MYO5A: variants seen among roughly 807,000 people sequenced by gnomAD.
The protein encoded by MYO5A is unconventional myosin-Va.
A neutral mutation model predicts 249.7 loss-of-function variants in MYO5A; 98 were observed. The ratio of observed to expected loss-of-function variants is 0.39; its 90% CI spans 0.33 to 0.46. The LOEUF is 0.46. Ranked by LOEUF, MYO5A falls within the 20% of genes least tolerant of loss-of-function variation. MYO5A has a pLI of 0.98. For missense variants in MYO5A, 1,696 were observed against 2,308.8 expected (o/e 0.73, Z 5.44); for synonymous variants, 778 against 810.6 (o/e 0.96, Z 0.68).
intron 5 of MYO5A, among the ~76,000 whole-genome samples, chr15:52,410,812 G>A (rs2043215064): frequency 2.6e-5 from 4 of 152,044 alleles, no homozygotes; most frequent in Admixed American, 2.6e-4. Flanking sequence ...TCCTGACCTT[G>A]TGATCCACCC....
At chr15:52,317,363 G>GC (rs2038073119) in intron 39 of MYO5A, 141 bp from the exon 40 acceptor site, 1 of 778,850 alleles carries the variant, frequency 1.3e-6, no homozygotes, top group African/African-American at 1.7e-5. Flanking sequence ...AATCTCATCA[G>GC]CTGTGCTTAA....
At position 52,479,441 on chromosome 15, in the gene MYO5A, A is replaced by C. The variant is rs560115555; in HGVS notation, c.28-46156T>G. 8.5e-5 allele frequency among the ~76,000 whole-genome samples: 13 copies of C among 152,256 alleles called. No homozygotes were observed. In the South Asian group the frequency reaches 2.7e-3, roughly 32 times the overall value. On this transcript the variant is annotated intron_variant, in intron 1 of 41. Coordinates refer to ENST00000399233, the MANE Select transcript of MYO5A (RefSeq NM_001382347.1). ...TCTGAGAATTTTTTCAAATTGTTGC[A>C]AATCTCAAAAAATTTTCCAATATAT...
chr15:52,328,203 A>C (rs1196736099), intron 35 of MYO5A, among the ~76,000 whole-genome samples, 197 bp from the exon 36 acceptor site: 1 of 152,198 alleles, frequency 6.6e-6, no homozygotes, highest in Non-Finnish European at 1.5e-5. Context: ...GACAACTCCC[A>C]AACTGATATC....
At chr15:52,391,171 A>T (rs896684409) in intron 12 of MYO5A, among the ~76,000 whole-genome samples, 5 of 152,344 alleles carry the variant, frequency 3.3e-5, no homozygotes, top group Non-Finnish European at 7.3e-5. Flanking sequence ...CATGCTTTTC[A>T]TCATGAGTAT....
chr15:52,502,102 G>A (rs1310918716), intron 1 of MYO5A, among the ~76,000 whole-genome samples: 2 of 152,122 alleles, frequency 1.3e-5, no homozygotes, highest in African/African-American at 4.8e-5. Context: ...AGCCAGGCCA[G>A]TGAAACCTCG....
At chr15:52,513,899 A>G (rs2077446908) in intron 1 of MYO5A, among the ~76,000 whole-genome samples, 1 of 152,188 alleles carries the variant, frequency 6.6e-6, no homozygotes, top group Non-Finnish European at 1.5e-5. Context: ...GAGACTAAGG[A>G]AAGTCATCTA....
At chr15:52,450,305 A>C (rs973306833) in intron 1 of MYO5A, among the ~76,000 whole-genome samples, 3 of 152,142 alleles carry the variant, frequency 2.0e-5, no homozygotes, top group Admixed American at 1.3e-4. Flanking sequence ...TACTCAGAAC[A>C]GTGCTTAGTA....
intron 1 of MYO5A, among the ~76,000 whole-genome samples, chr15:52,486,626 T>C (rs137922590): frequency 1.0e-3 from 152 of 152,308 alleles, no homozygotes; most frequent in African/African-American, 3.6e-3. Context: ...AATATTGTTG[T>C]CACTAAGGTA....
intron 1 of MYO5A, among the ~76,000 whole-genome samples, chr15:52,519,043 G>C (rs117203542): frequency 6.6e-6 from 1 of 152,074 alleles, no homozygotes; most frequent in African/African-American, 2.4e-5. Context: ...TAAATAGTAG[G>C]GGGATAAAGC....
chr15:52,515,169 T>C (rs2077471090), intron 1 of MYO5A, among the ~76,000 whole-genome samples: 2 of 151,848 alleles, frequency 1.3e-5, no homozygotes, highest in South Asian at 2.1e-4. Flanking sequence ...TGCCAGCTAC[T>C]TGGGGGGCTA....
chr15:52,528,977 G>A, upstream of MYO5A: 1 of 353,622 alleles, frequency 2.8e-6, no homozygotes, highest in Non-Finnish European at 4.1e-6. Flanking sequence ...CTCAGGCGCT[G>A]GCCGCCCGCA....
intron 5 of MYO5A, among the ~76,000 whole-genome samples, chr15:52,413,810 A>T (rs565537582): frequency 6.6e-6 from 1 of 152,328 alleles, no homozygotes; most frequent in South Asian, 2.1e-4. Context: ...ATAGATGAAC[A>T]ATTTCAAATT....
chr15:52,516,866 C>A (rs1208260047), intron 1 of MYO5A, among the ~76,000 whole-genome samples: 1 of 152,128 alleles, frequency 6.6e-6, no homozygotes, highest in Admixed American at 6.5e-5. Context: ...AAAATTATAT[C>A]ATGTATAGTA....
upstream of MYO5A, chr15:52,528,901 G>C (rs1462456528): frequency 8.1e-6 from 10 of 1,242,144 alleles, no homozygotes; most frequent in African/African-American, 4.8e-5. Flanking sequence ...CGCAGCCGCC[G>C]GCAGGGAGCA....
In MYO5A at chr15:52,376,231, C is replaced by T. The variant is rs2041405880; in HGVS notation, c.2420+116G>A. 5.4e-6 allele frequency: 5 copies of T among 923,480 alleles called. No homozygotes were observed. The South Asian group carries it at 7.0e-5, about 13-fold the overall frequency. 57.2% of individuals were successfully genotyped at this position (923,480 alleles called of 1,614,324 possible). ...CTGTCCTATGAGTTAATTTGTTGTC[C>T]CTTGGAACTAAGAAAAGGTGAGGTG... On this transcript the variant is annotated intron_variant, in intron 19 of 41. Coordinates refer to ENST00000399233, the MANE Select transcript of MYO5A (RefSeq NM_001382347.1).
chr15:52,443,884 G>A (rs2075835899), intron 1 of MYO5A, among the ~76,000 whole-genome samples: 1 of 152,006 alleles, frequency 6.6e-6, no homozygotes, highest in South Asian at 2.1e-4. Context: ...TTGGGAGGCT[G>A]AGGCACAAGA....
chr15:52,462,772 C>T (rs2076278453), intron 1 of MYO5A, among the ~76,000 whole-genome samples: 1 of 151,852 alleles, frequency 6.6e-6, no homozygotes, highest in Admixed American at 6.6e-5. Flanking sequence ...CTCTTGAACC[C>T]TGGAGGTGGA....
In MYO5A at chr15:52,327,973, A is replaced by G. The variant is rs973771916; in HGVS notation, c.4589T>C (p.Ile1530Thr). The G allele has an allele frequency of 6.8e-6, 11 of 1,613,708 alleles. No homozygotes were observed. The highest frequency in any genetic ancestry group is 9.3e-6 in the Non-Finnish European group (11 of 1,179,714). Residue 1530 changes from isoleucine (I) to threonine (T), a missense_variant, in exon 36 of 42, where the codon ATT becomes ACT. Ile to Thr is a moderately conservative substitution (Grantham distance 89, BLOSUM62 -1). Around this residue, in one of 5 missense-constraint regions of MYO5A, gnomAD observed 625 missense variants for 908.1 expected, o/e 0.69. Coordinates refer to ENST00000399233, the MANE Select transcript of MYO5A (RefSeq NM_001382347.1). ...CAGGATATATGCCGGTAATCCTGGAATCAAATTGACTGCTACACCACGTGG... is the reference window on the plus strand; with the variant it reads ...CAGGATATATGCCGGTAATCCTGGAGTCAAATTGACTGCTACACCACGTGG... ...LKPRGVAVNL[I>T]PGLPAYILFM...
intron 22 of MYO5A, among the ~76,000 whole-genome samples, chr15:52,368,631 G>A (rs543045354): frequency 1.2e-4 from 18 of 152,266 alleles, no homozygotes; most frequent in Admixed American, 4.6e-4. Context: ...GGGGCCAGGC[G>A]CAGTGGCTCA....
Sources: allele counts gnomAD v4.1 joint callset (sites outside exome capture counted in the v4.1 genomes callset), GRCh38; gene constraint gnomAD v4.1.1; regional missense constraint gnomAD v4.1.1; transcripts MANE v1.5; gene names NCBI Gene and HGNC (gene_info 2026-07-23, HGNC 2026-07-21).